The following MICAL2 variants were observed in gnomAD, a reference collection of about 807,000 sequenced individuals.
The protein encoded by MICAL2 is microtubule associated monooxygenase, calponin and LIM domain containing 2, also known as [F-actin]-monooxygenase MICAL2.
In MICAL2, 77 loss-of-function variants were observed where a neutral mutation model predicts 127.3. The observed-to-expected ratio is 0.60, with a 90% CI of 0.50 to 0.73. The LOEUF (loss-of-function observed/expected upper bound fraction) is 0.73. Among genes scored for constraint, MICAL2 ranks in the 30% least tolerant of loss-of-function variants. The pLI, the probability that MICAL2 is intolerant of heterozygous loss-of-function variation, is 0.00. For synonymous variants in MICAL2, 570 were observed against 551.1 expected (o/e 1.03, Z -0.48); for missense variants, 1,351 against 1,434.4 (o/e 0.94, Z 0.94).
intron 26 of MICAL2, chr11:12,260,994 A>T: frequency 2.0e-6 from 2 of 985,530 alleles, no homozygotes; most frequent in Non-Finnish European, 2.4e-6. Context: ...GAGCTCTTTC[A>T]ACTGATGGCA....
At position 12,333,076 on chromosome 11, in the gene MICAL2, G is replaced by A. The variant is rs1719571919; in HGVS notation, c.5515+5810G>A. ...AAATATTGAACAAACGTATTAATGA[G>A]AGACTAAAGCTGACCCTTGCAAGTT... On this transcript the variant is annotated intron_variant, in intron 32 of 34. Coordinates refer to the MICAL2 transcript ENST00000646065. Among the ~76,000 whole-genome samples the A allele has an allele frequency of 3.3e-5, 5 of 152,258 alleles. No homozygotes were observed. In the South Asian group the frequency reaches 1.0e-3, roughly 32 times the overall value.
intron 32 of MICAL2, among the ~76,000 whole-genome samples, chr11:12,340,828 A>AT (rs764715663): frequency 8.6e-4 from 131 of 152,332 alleles, no homozygotes; most frequent in Middle Eastern, 3.4e-3. Context: ...AGAAAAACTA[A>AT]TTTTTTTGTT....
intron 1 of MICAL2, chr11:12,276,246 T>C: frequency 2.5e-6 from 1 of 398,512 alleles, no homozygotes; most frequent in Non-Finnish European, 4.4e-6. Context: ...GTCTTCTCTC[T>C]ACTTGCTTGC....
downstream of MICAL2, among the ~76,000 whole-genome samples, chr11:12,291,544 C>A (rs1350560501): frequency 6.6e-6 from 1 of 152,234 alleles, no homozygotes; most frequent in Non-Finnish European, 1.5e-5. Flanking sequence ...CCCTGACCAA[C>A]AGGAGCTTGG....
At chr11:12,334,680 C>T (rs2134868273) in intron 32 of MICAL2, among the ~76,000 whole-genome samples, 1 of 144,576 alleles carries the variant, frequency 6.9e-6, no homozygotes, top group Admixed American at 7.3e-5. Flanking sequence ...GTTCAATTCC[C>T]ACCTGTGAGT....
At chr11:12,124,241 A>G (rs561493913) in intron 1 of MICAL2, among the ~76,000 whole-genome samples, 2 of 152,234 alleles carry the variant, frequency 1.3e-5, no homozygotes, top group African/African-American at 2.4e-5. Flanking sequence ...CCAAGTCATG[A>G]TAAATGCTTA....
chr11:12,313,167 CA>C (rs61207104), intron 29 of MICAL2, among the ~76,000 whole-genome samples: 3 of 69,280 alleles, frequency 4.3e-5, no homozygotes, highest in African/African-American at 6.2e-5. Context: ...GACTACATCT[CA>C]AAAAAAAAAA....
chr11:12,354,330 AGCCCAGTGGCAGAT>A (rs1185332028), intron 33 of MICAL2, among the ~76,000 whole-genome samples: 2 of 152,182 alleles, frequency 1.3e-5, no homozygotes, highest in African/African-American at 4.8e-5. Context: ...GACAAAAATT[AGCCCAGTGGCAGAT>A]GCCTGTAATC....
intron 24 of MICAL2, 123 bp from the exon 25 acceptor site, chr11:12,258,345 C>A (rs1304912163): frequency 2.6e-6 from 2 of 760,888 alleles, no homozygotes; most frequent in Non-Finnish European, 4.6e-6. Context: ...GTTTGAGCCA[C>A]CCTGGGCTAT....
downstream of MICAL2, among the ~76,000 whole-genome samples, chr11:12,290,795 A>ACAGT (rs754723479): frequency 3.9e-5 from 6 of 152,164 alleles, no homozygotes; most frequent in Non-Finnish European, 8.8e-5. Context: ...GCTGGGACAC[A>ACAGT]CAGTCGCACA....
intron 30 of MICAL2, among the ~76,000 whole-genome samples, chr11:12,322,247 C>T (rs998970452): frequency 6.6e-6 from 1 of 152,106 alleles, no homozygotes; most frequent in Non-Finnish European, 1.5e-5. Context: ...GAACTGACTC[C>T]ATATAGGCTA....
chr11:12,243,002 AG>A, intron 20 of MICAL2: 1 of 412,956 alleles, frequency 2.4e-6, no homozygotes, highest in Non-Finnish European at 4.3e-6. Flanking sequence ...AAGACAGGAA[AG>A]TAAACACAGA....
At chr11:12,262,734 C>T (rs1022647351) in intron 27 of MICAL2, 197 bp downstream of exon 27, 9 of 565,714 alleles carry the variant, frequency 1.6e-5, no homozygotes, top group East Asian at 3.0e-5. Context: ...TGTTCATTTC[C>T]CATGGAGCTG....
intron 22 of MICAL2, among the ~76,000 whole-genome samples, 184 bp downstream of exon 22, chr11:12,249,430 G>A (rs113667559): frequency 1.9e-4 from 29 of 152,316 alleles, no homozygotes; most frequent in East Asian, 7.7e-4. Flanking sequence ...GCCTGCCTGC[G>A]TCTCAGCTCT....
intron 3 of MICAL2, among the ~76,000 whole-genome samples, chr11:12,175,152 A>G (rs1046009550): frequency 1.3e-5 from 2 of 151,670 alleles, no homozygotes; most frequent in Admixed American, 1.3e-4. Flanking sequence ...AGTGCCTGCT[A>G]CATGCCAGGT....
chr11:12,199,350 G>A (rs768510408), intron 3 of MICAL2, among the ~76,000 whole-genome samples: 15 of 152,174 alleles, frequency 9.9e-5, no homozygotes, highest in Non-Finnish European at 1.8e-4. Context: ...TTCTAGGTGA[G>A]GTGCAGGGTG....
At chr11:12,172,926 A>G (rs865983749) in intron 3 of MICAL2, among the ~76,000 whole-genome samples, 2 of 152,246 alleles carry the variant, frequency 1.3e-5, no homozygotes, top group East Asian at 3.8e-4. Context: ...CCAGCTCTCC[A>G]TGTAACATGT....
chr11:12,358,200 C>G, intron 34 of MICAL2: 1 of 1,221,366 alleles, frequency 8.2e-7, no homozygotes, highest in East Asian at 2.4e-5. Context: ...AAATTAAAGG[C>G]AGAACAAGTC....
chr11:12,160,495 G>A (rs935570540), intron 2 of MICAL2, among the ~76,000 whole-genome samples: 6 of 152,206 alleles, frequency 3.9e-5, no homozygotes, highest in South Asian at 4.2e-4. Flanking sequence ...CATCCCCACC[G>A]CACCTCCTCA....
Sources: gnomAD v4.1 joint callset for allele counts (sites outside exome capture counted in the v4.1 genomes callset) on GRCh38, gnomAD v4.1.1 for gene constraint, MANE v1.5 for transcripts, NCBI Gene and HGNC (gene_info 2026-07-23, HGNC 2026-07-21) for gene names.